Variants in GPR6 observed in about 807,000 individuals in gnomAD.
The protein encoded by GPR6 is sphingosine 1-phosphate receptor GPR6.
GPR6 carries 14 observed loss-of-function variants against 18.5 expected under a neutral mutation model. That is an observed-to-expected ratio of 0.76 (90% CI 0.50 to 1.18). The LOEUF is 1.18. Among genes scored for constraint, GPR6 ranks in the 50% most tolerant of loss-of-function variants. The pLI is 0.00. For missense variants in GPR6, 477 were observed against 495.9 expected, an observed-to-expected ratio of 0.96 and a Z score of 0.36; for synonymous variants, 299 against 240.9, an observed-to-expected ratio of 1.24 and a Z score of -2.23.
rs766345663 is a variant in GPR6 at position 109,979,175 on chromosome 6, G to C, written c.63G>C (p.Ala21=). ...TGGTGGTAGTGGCGGCCGAAGGAGC[G>C]GCGGCGGCGGCCACAGCAGCAGGGG... ...SQVVVVAAEG[A]AAAATAAGGP... The change falls in exon 2 of 2, where the codon GCG becomes GCC. Residue 21 remains alanine, a synonymous_variant. Coordinates refer to ENST00000275169, the MANE Select transcript of GPR6 (RefSeq NM_005284.5). 1.3e-6 allele frequency: 2 copies of C among 1,592,730 alleles called. No homozygotes were observed. The highest frequency in any genetic ancestry group is 2.2e-5 in the East Asian group (1 of 44,646).
rs367576936 is a variant in GPR6 at position 109,979,877 on chromosome 6, C to T, written c.765C>T (p.His255=). The change falls in exon 2 of 2, where the codon CAC becomes CAT. Residue 255 remains histidine, a synonymous_variant. Coordinates refer to ENST00000275169, the MANE Select transcript of GPR6 (RefSeq NM_005284.5). The stretch of plus-strand genomic sequence containing the variant: ...GCATCTGCCAGGTGGTCTGGCGCCA[C>T]GCGCACCAGATCGCGCTGCAGCAGC... ...YVRICQVVWR[H]AHQIALQQHC... 8.1e-6 allele frequency: 13 copies of T among 1,610,522 alleles called. No homozygotes were observed. Among genetic ancestry groups the T allele is most frequent in the East Asian group, 4.5e-5 (2 of 44,882 alleles).
In GPR6 at chr6:109,980,048, C is replaced by T. The variant is rs772897264; in HGVS notation, c.936C>T (p.Tyr312=). The part of the protein sequence containing the change: ...GSHEDPAVYT[Y]ATLLPATYNS... ...ATGAGGACCCGGCGGTCTACACTTA[C>T]GCCACCCTGCTGCCCGCCACCTACA... The change falls in exon 2 of 2, where the codon TAC becomes TAT. Residue 312 remains tyrosine (Y), a synonymous_variant. Transcript: ENST00000275169. 5.6e-6 allele frequency: 9 copies of T among 1,613,894 alleles called. No homozygotes were observed. The Admixed American group carries it at 6.7e-5, about 12-fold the overall frequency.
intron 1 of GPR6, chr6:109,978,841 C>A (rs1771003584): frequency 2.0e-6 from 3 of 1,535,816 alleles, no homozygotes; most frequent in Non-Finnish European, 2.6e-6. Context: ...AGAATTGATC[C>A]TTGTGCATGT....
chr6:109,978,523 G>T, intron 1 of GPR6, 56 bp downstream of exon 1: 1 of 507,790 alleles, frequency 2.0e-6, no homozygotes, highest in Admixed American at 3.2e-5. Flanking sequence ...AGGGGAGAAA[G>T]ATATCCAGGG....
In GPR6 at chr6:109,979,632, C is replaced by G; in HGVS notation, c.520C>G (p.Leu174Val). 1 of 1,612,688 alleles carries G rather than the reference C, an allele frequency of 6.2e-7. No homozygotes were observed. The highest frequency in any genetic ancestry group is 8.5e-7 in the Non-Finnish European group (1 of 1,180,010). The change falls in exon 2 of 2, where the codon CTC becomes GTC. Residue 174 changes from leucine to valine, a missense_variant. Coordinates refer to ENST00000275169, the MANE Select transcript of GPR6 (RefSeq NM_005284.5). ...CCGCTACCTGTCCCTGTATAACGCG[C>G]TCACCTATTACTCGCGCCGGACCCT... ...VDRYLSLYNALTYYSRRTLLG... is the reference protein window; with the variant it reads ...VDRYLSLYNAVTYYSRRTLLG...
chr6:109,979,589 G>T lies in GPR6; in HGVS notation c.477G>T (p.Leu159=). The change falls in exon 2 of 2, where the codon CTG becomes CTT. Residue 159 remains leucine (L), a synonymous_variant. Coordinates refer to ENST00000275169, the MANE Select transcript of GPR6 (RefSeq NM_005284.5). ...CCTTCGCCGCCTCTGTCAGCAGCCTGCTGGCCATTACGGTGGACCGCTACC... is the reference window on the plus strand; with the variant it reads ...CCTTCGCCGCCTCTGTCAGCAGCCTTCTGGCCATTACGGTGGACCGCTACC... The part of the protein sequence containing the change: ...VASFAASVSS[L]LAITVDRYLS... The T allele has an allele frequency of 6.2e-7, 1 of 1,612,628 alleles. No individual in the cohort carries two copies. Among genetic ancestry groups the T allele is most frequent in the Non-Finnish European group, 8.5e-7 (1 of 1,180,014 alleles).
intron 1 of GPR6, 83 bp from the exon 2 acceptor site, chr6:109,979,012 A>T: frequency 6.5e-7 from 1 of 1,541,446 alleles, no homozygotes; most frequent in Non-Finnish European, 8.7e-7. Flanking sequence ...AAGTGGGGCA[A>T]TGCGAGAGGA....
Position 109,979,476 on chromosome 6 carries a change from G to T in GPR6, c.364G>T (p.Gly122Cys), listed in dbSNP as rs944598950. The change falls in exon 2 of 2, where the codon GGC (glycine) becomes TGC (cysteine). Residue 122 changes from glycine to cysteine, a missense_variant. Gly to Cys is a radical substitution (Grantham distance 159, BLOSUM62 -3). Transcript: ENST00000275169. Reference protein sequence around the residue: ...GSLATADLLAGCGLILHFVFQ... With the variant: ...GSLATADLLACCGLILHFVFQ... ...CCTGGCCACCGCTGACCTGTTGGCG[G>T]GCTGTGGCCTCATCTTGCACTTTGT... is the stretch of plus-strand genomic sequence containing the variant. The T allele has an allele frequency of 6.2e-7, 1 of 1,613,372 alleles. No individual in the cohort carries two copies. Among genetic ancestry groups the T allele is most frequent in the Non-Finnish European group, 8.5e-7 (1 of 1,180,008 alleles).
Position 109,980,264 on chromosome 6 carries a change from G to A in GPR6, c.*63G>A. 1 of 1,598,770 alleles carries A rather than the reference G, an allele frequency of 6.3e-7. No homozygotes were observed. Among genetic ancestry groups the A allele is most frequent in the Non-Finnish European group, 8.5e-7 (1 of 1,173,640 alleles). On this transcript the variant is annotated 3_prime_UTR_variant, in exon 2 of 2. Transcript: ENST00000275169. Reference sequence around the variant, plus strand: ...CAACAAGCCAGCCTTTGGTAAGCTCGGTGCCTGCTGACGAACTCTGAGATC... The same window carrying A: ...CAACAAGCCAGCCTTTGGTAAGCTCAGTGCCTGCTGACGAACTCTGAGATC...
In GPR6 at chr6:109,979,892, G is replaced by C; in HGVS notation, c.780G>C (p.Ala260=). The C allele has an allele frequency of 1.2e-6, 2 of 1,611,400 alleles. No homozygotes were observed. The highest frequency in any genetic ancestry group is 1.7e-6 in the Non-Finnish European group (2 of 1,179,946). The change falls in exon 2 of 2, where the codon GCG becomes GCC. Residue 260 remains alanine, a synonymous_variant. Transcript: ENST00000275169. The part of the protein sequence containing the change: ...QVVWRHAHQI[A]LQQHCLAPPH... ...TCTGGCGCCACGCGCACCAGATCGC[G>C]CTGCAGCAGCACTGCCTGGCGCCAC...
Position 109,979,240 on chromosome 6 carries a change from C to A in GPR6, c.128C>A (p.Ala43Asp). Residue 43 changes from alanine to aspartate, a missense_variant, in exon 2 of 2, where the codon GCT (alanine) becomes GAT (aspartate). Coordinates refer to ENST00000275169, the MANE Select transcript of GPR6 (RefSeq NM_005284.5). ...GAATGGGGACCCCCTGCTGCGGCGGCTCTAGGAGCCGGCGGCGGAGCTAAT... is the reference window on the plus strand; with the variant it reads ...GAATGGGGACCCCCTGCTGCGGCGGATCTAGGAGCCGGCGGCGGAGCTAAT... Reference protein sequence around the residue: ...TGEWGPPAAAALGAGGGANGS... With the variant: ...TGEWGPPAAADLGAGGGANGS... 6.2e-7 allele frequency: 1 copy of A among 1,609,912 alleles called. No individual in the cohort carries two copies. The highest frequency in any genetic ancestry group is 1.7e-4 in the Middle Eastern group (1 of 5,850).
chr6:109,980,138 C>A lies in GPR6; in HGVS notation c.1026C>A (p.Leu342=). ...AGGAGATCCAGCGCGCCCTGTGGCT[C>A]CTGCTCTGTGGCTGTTTCCAGTCCA... The part of the protein sequence containing the change: ...RNQEIQRALW[L]LLCGCFQSKV... The change falls in exon 2 of 2, where the codon CTC becomes CTA. Residue 342 remains leucine, a synonymous_variant. Transcript: ENST00000275169. 6.2e-7 allele frequency: 1 copy of A among 1,614,230 alleles called. No individual in the cohort carries two copies. The highest frequency in any genetic ancestry group is 8.5e-7 in the Non-Finnish European group (1 of 1,180,040).
chr6:109,979,487 C>T lies in GPR6; in HGVS notation c.375C>T (p.Leu125=), dbSNP rs1278385850. The change falls in exon 2 of 2, where the codon CTC becomes CTT. Residue 125 remains leucine (L), a synonymous_variant. Coordinates refer to ENST00000275169, the MANE Select transcript of GPR6 (RefSeq NM_005284.5). Reference sequence around the variant, plus strand: ...CTGACCTGTTGGCGGGCTGTGGCCTCATCTTGCACTTTGTGTTCCAGTACT... The same window carrying T: ...CTGACCTGTTGGCGGGCTGTGGCCTTATCTTGCACTTTGTGTTCCAGTACT... ...ATADLLAGCG[L]ILHFVFQYLV... is the part of the protein sequence containing the mutation. 3 of 1,613,294 alleles carry T rather than the reference C, an allele frequency of 1.9e-6. No homozygotes were observed. The highest frequency in any genetic ancestry group is 4.5e-5 in the East Asian group (2 of 44,870).
At chr6:109,978,944 G>A (rs1771005698) in intron 1 of GPR6, 151 bp from the exon 2 acceptor site, 1 of 1,524,672 alleles carries the variant, frequency 6.6e-7, no homozygotes, top group Non-Finnish European at 8.9e-7. Context: ...TTTTGGGTTC[G>A]CACTTAACCC....
rs1319653082 is a variant in GPR6 at position 109,979,845 on chromosome 6, T to C, written c.733T>C (p.Tyr245His). Residue 245 changes from tyrosine to histidine, a missense_variant, in exon 2 of 2, where the codon TAC becomes CAC. Coordinates refer to ENST00000275169, the MANE Select transcript of GPR6 (RefSeq NM_005284.5). ...FMVFGIMLHL[Y>H]VRICQVVWRH... ...GGTCTTCGGCATCATGCTGCACCTGTACGTGCGCATCTGCCAGGTGGTCTG... is the reference window on the plus strand; with the variant it reads ...GGTCTTCGGCATCATGCTGCACCTGCACGTGCGCATCTGCCAGGTGGTCTG... 6.2e-7 allele frequency: 1 copy of C among 1,607,736 alleles called. No homozygotes were observed. Among genetic ancestry groups the C allele is most frequent in the Non-Finnish European group, 8.5e-7 (1 of 1,179,698 alleles).
At chr6:109,978,728 G>T (rs1281925947) in intron 1 of GPR6, 3 of 1,535,184 alleles carry the variant, frequency 2.0e-6, no homozygotes. Context: ...CCAGCCCCAT[G>T]GGGATGTCCT....
rs763545349 is a variant in GPR6, at chr6:109,979,474, C to T, written c.362C>T (p.Ala121Val). The T allele has an allele frequency of 1.2e-6, 2 of 1,613,306 alleles. No individual in the cohort carries two copies. Among genetic ancestry groups the T allele is most frequent in the Admixed American group, 1.7e-5 (1 of 60,032 alleles). The change falls in exon 2 of 2, where the codon GCG (alanine) becomes GTG (valine). Residue 121 changes from alanine to valine, a missense_variant. Ala to Val is a moderately conservative substitution (Grantham distance 64). Transcript: ENST00000275169. ...VGSLATADLL[A>V]GCGLILHFVF... The stretch of plus-strand genomic sequence containing the variant: ...AGCCTGGCCACCGCTGACCTGTTGG[C>T]GGGCTGTGGCCTCATCTTGCACTTT...
chr6:109,978,536 C>T lies in GPR6; in HGVS notation c.-19+69C>T, dbSNP rs1230019076. On this transcript the variant is annotated intron_variant, in intron 1 of 1. Transcript: ENST00000275169. ...GGAGGGGAGAAAGATATCCAGGGGA[C>T]AGGTCTTTCCAGAAGAGGAGAAATG... 8 of 540,054 alleles carry T rather than the reference C, an allele frequency of 1.5e-5. No homozygotes were observed. In the Admixed American group the frequency reaches 2.5e-4, roughly 17 times the overall value. 33.5% of individuals were successfully genotyped at this position (540,054 alleles called of 1,614,324 possible).
rs1771063164 is a variant in GPR6 at position 109,980,418 on chromosome 6, A to G, written c.*217A>G. On this transcript the variant is annotated 3_prime_UTR_variant, in exon 2 of 2. Coordinates refer to ENST00000275169, the MANE Select transcript of GPR6 (RefSeq NM_005284.5). ...TACATGTGTACATATATATACAAATATTTGTATCTTCTGGAGGTGTTCAGG... is the reference window on the plus strand; with the variant it reads ...TACATGTGTACATATATATACAAATGTTTGTATCTTCTGGAGGTGTTCAGG... 9.8e-6 allele frequency: 6 copies of G among 612,238 alleles called. No homozygotes were observed. The highest frequency in any genetic ancestry group is 1.7e-5 in the Non-Finnish European group (6 of 355,006). 37.9% of individuals were successfully genotyped at this position (612,238 alleles called of 1,614,324 possible).
Sources: allele counts gnomAD v4.1 joint callset, GRCh38; gene constraint gnomAD v4.1.1; transcripts MANE v1.5; gene names NCBI Gene and HGNC (gene_info 2026-07-23, HGNC 2026-07-21).